Variants in RBM8A observed in about 807,000 individuals in gnomAD.
The protein encoded by RBM8A is RNA-binding protein 8A.
A neutral mutation model predicts 25.1 loss-of-function variants in RBM8A; 8 were observed. The ratio of observed to expected loss-of-function variants is 0.32; its 90% CI spans 0.19 to 0.58. RBM8A has a LOEUF of 0.58. RBM8A is among the 20% of genes least tolerant of loss of function. The pLI, the probability that RBM8A is intolerant of heterozygous loss-of-function variation, is 0.88. For synonymous variants in RBM8A, 66 were observed against 80.0 expected, an observed-to-expected ratio of 0.82 and a Z score of 0.94; for missense variants, 114 against 236.8, an observed-to-expected ratio of 0.48 and a Z score of 3.40.
Position 145,922,722 on chromosome 1 carries a change from C to T in RBM8A, c.*3160G>A, listed in dbSNP as rs997485687. The T allele has an allele frequency of 2.6e-5, 4 of 151,882 alleles. No individual in the cohort carries two copies. Among genetic ancestry groups the T allele is most frequent in the Non-Finnish European group, 4.4e-5 (3 of 68,004 alleles). 9.4% of individuals were successfully genotyped at this position (151,882 alleles called of 1,614,324 possible). The stretch of plus-strand genomic sequence containing the variant: ...TAAAATAAAAAATTTAATAATGTCA[C>T]GTTAGAGTGGTAAGGGCTTAGGGGT... On this transcript the variant is annotated 3_prime_UTR_variant, in exon 6 of 6. Transcript: ENST00000583313.
Position 145,922,279 on chromosome 1 carries a change from C to T in RBM8A, c.*3603G>A, listed in dbSNP as rs587659783. 4.6e-5 allele frequency: 7 copies of T among 152,298 alleles called. No homozygotes were observed. The highest frequency in any genetic ancestry group is 1.0e-4 in the Non-Finnish European group (7 of 68,030). The allele number at this position is 152,298 out of a possible 1,614,324, so 9.4% of individuals were successfully genotyped here. On this transcript the variant is annotated 3_prime_UTR_variant, in exon 6 of 6. Coordinates refer to ENST00000583313, the MANE Select transcript of RBM8A (RefSeq NM_005105.5). Reference sequence around the variant, plus strand: ...TACTTCTAATATGTTGCAAACAAGACCTTTACCAATCCAAGTGTTAAAAAG... The same window carrying T: ...TACTTCTAATATGTTGCAAACAAGATCTTTACCAATCCAAGTGTTAAAAAG...
Position 145,926,569 on chromosome 1 carries a change from G to C in RBM8A, c.255C>G (p.Thr85=), listed in dbSNP as rs781969248. 6.2e-7 allele frequency: 1 copy of C among 1,613,866 alleles called. No homozygotes were observed. Among genetic ancestry groups the C allele is most frequent in the Non-Finnish European group, 8.5e-7 (1 of 1,180,000 alleles). ...LFVTGVHEEA[T]EEDIHDKFAE... Reference sequence around the variant, plus strand: ...CGAATTTGTCGTGTATGTCTTCTTCGGTGGCTTCCTCATGGACTCCAGTTA... The same window carrying C: ...CGAATTTGTCGTGTATGTCTTCTTCCGTGGCTTCCTCATGGACTCCAGTTA... The change falls in exon 4 of 6, where the codon ACC becomes ACG. Residue 85 remains threonine, a synonymous_variant. Coordinates refer to ENST00000583313, the MANE Select transcript of RBM8A (RefSeq NM_005105.5).
chr1:145,927,320 A>G, intron 1 of RBM8A, 40 bp downstream of exon 1: 8 of 1,598,246 alleles, frequency 5.0e-6, no homozygotes, highest in Non-Finnish European at 6.8e-6. Flanking sequence ...CTTCTCTCGC[A>G]CCTTCCCCGC....
rs1648155042 is a variant in RBM8A, at chr1:145,926,318, T to C, written c.343-141A>G. 1.7e-5 allele frequency: 24 copies of C among 1,424,950 alleles called. No individual in the cohort carries two copies. The South Asian group carries it at 2.9e-4, about 17-fold the overall frequency. The allele number at this position is 1,424,950 out of a possible 1,614,324, so 88.3% of individuals were successfully genotyped here. A position where few individuals can be genotyped will look rare whatever the true frequency, so the allele number is the denominator to read the frequency against. On this transcript the variant is annotated intron_variant, in intron 4 of 5. Transcript: ENST00000583313. ...ACATCATATATCTCTACTGTATATA[T>C]ACATCATCTCCGTTTCTGTCTCTTT...
In RBM8A at chr1:145,925,785, A is replaced by G. The variant is rs1256875903; in HGVS notation, c.*97T>C. ...TACTACGCATATACGGTAAGAGATT[A>G]AATATAAACACAGCAAGTTCCACCC... On this transcript the variant is annotated 3_prime_UTR_variant, in exon 6 of 6. Transcript: ENST00000583313. 14 of 1,378,410 alleles carry G rather than the reference A, an allele frequency of 1.0e-5. No individual in the cohort carries two copies. Among genetic ancestry groups the G allele is most frequent in the Non-Finnish European group, 1.4e-5 (14 of 972,794 alleles). The allele number at this position is 1,378,410 out of a possible 1,614,324, so 85.4% of individuals were successfully genotyped here.
chr1:145,926,896 A>G lies in RBM8A; in HGVS notation c.128-10T>C, dbSNP rs1553756050. Reference sequence around the variant, plus strand: ...GCTCGGGACCCCTCTTCTATAAGGGACATACACGAGATCACCGAAAACTCC... The same window carrying G: ...GCTCGGGACCCCTCTTCTATAAGGGGCATACACGAGATCACCGAAAACTCC... On this transcript the variant is annotated splice_polypyrimidine_tract_variant and intron_variant, in intron 2 of 5. Coordinates refer to ENST00000583313, the MANE Select transcript of RBM8A (RefSeq NM_005105.5). The G allele has an allele frequency of 6.2e-7, 1 of 1,614,066 alleles. No homozygotes were observed. Among genetic ancestry groups the G allele is most frequent in the Admixed American group, 1.7e-5 (1 of 60,000 alleles).
rs148305430 is a variant in RBM8A at position 145,927,143 on chromosome 1, C to T, written c.68-66G>A. ...TCATTTGTAACAATCGTCTCTTTCC[C>T]AATACACTACCAGCAAGCCGACCCA... On this transcript the variant is annotated intron_variant, in intron 1 of 5. Transcript: ENST00000583313. 541 of 1,583,994 alleles carry T rather than the reference C, an allele frequency of 3.4e-4. 2 individuals are homozygous for T. The highest frequency in any genetic ancestry group is 1.8e-3 in the Admixed American group (108 of 59,006).
chr1:145,927,479 G>C lies in RBM8A; in HGVS notation c.-53C>G. The stretch of plus-strand genomic sequence containing the variant: ...GCCGCTCAGACACTAGGTACCTCGG[G>C]AAACTGTCGCAGAGGGGAAAGGTCG... On this transcript the variant is annotated 5_prime_UTR_variant, in exon 1 of 6. Transcript: ENST00000583313. 6.3e-7 allele frequency: 1 copy of C among 1,574,954 alleles called. No homozygotes were observed.
In RBM8A at chr1:145,923,975, A is replaced by G. The variant is rs1553755344; in HGVS notation, c.*1907T>C. 4.9e-6 allele frequency: 3 copies of G among 614,950 alleles called. No individual in the cohort carries two copies. In the African/African-American group the frequency reaches 5.6e-5, roughly 11 times the overall value. 38.1% of individuals were successfully genotyped at this position (614,950 alleles called of 1,614,324 possible). On this transcript the variant is annotated 3_prime_UTR_variant, in exon 6 of 6. Transcript: ENST00000583313. ...AGCATCATATTCAAGCCTAAAAGGA[A>G]GATAGGATTTTCAAGATATATTTCC...
At chr1:145,926,454 G>A in intron 4 of RBM8A, 28 bp downstream of exon 4, 1 of 1,611,512 alleles carries the variant, frequency 6.2e-7, no homozygotes, top group Non-Finnish European at 8.5e-7. Flanking sequence ...ATGAAAGAAA[G>A]GAGGCAATAA....
chr1:145,926,409 A>G (rs1559231482), intron 4 of RBM8A, 73 bp downstream of exon 4: 3 of 1,570,756 alleles, frequency 1.9e-6, no homozygotes, highest in Non-Finnish European at 2.6e-6. Flanking sequence ...GGCCAACCAC[A>G]GCAAACACAG....
In RBM8A at chr1:145,924,146, C is replaced by G. The variant is rs782699392; in HGVS notation, c.*1736G>C. On this transcript the variant is annotated 3_prime_UTR_variant, in exon 6 of 6. Transcript: ENST00000583313. Reference sequence around the variant, plus strand: ...GAACCAGTTCTAATAGTCCTCAACTCCACTCCAGCTGTTCCTGTTCCACAC... The same window carrying G: ...GAACCAGTTCTAATAGTCCTCAACTGCACTCCAGCTGTTCCTGTTCCACAC... The G allele has an allele frequency of 1.4e-6, 1 of 710,036 alleles. No homozygotes were observed. Among genetic ancestry groups the G allele is most frequent in the South Asian group, 1.5e-5 (1 of 66,670 alleles). 44.0% of individuals were successfully genotyped at this position (710,036 alleles called of 1,614,324 possible).
chr1:145,927,286 A>G, intron 1 of RBM8A, 74 bp downstream of exon 1: 1 of 1,529,698 alleles, frequency 6.5e-7, no homozygotes, highest in Non-Finnish European at 8.9e-7. Context: ...CCGAGGAAAA[A>G]AGAGTAAATT....
At chr1:145,926,762 A>G in intron 3 of RBM8A, 47 bp downstream of exon 3, 6 of 1,613,968 alleles carry the variant, frequency 3.7e-6, no homozygotes, top group Non-Finnish European at 5.1e-6. Context: ...TTGGTTTCTA[A>G]CTACTACCAC....
intron 4 of RBM8A, 145 bp downstream of exon 4, chr1:145,926,337 T>C (rs1570947788): frequency 2.1e-6 from 3 of 1,453,004 alleles, no homozygotes; most frequent in Non-Finnish European, 2.8e-6. Flanking sequence ...TCCGTTTCTG[T>C]CTCTTTGGCG....
chr1:145,925,589 A>G lies in RBM8A; in HGVS notation c.*293T>C, dbSNP rs1400043455. 8 of 372,440 alleles carry G rather than the reference A, an allele frequency of 2.1e-5. No individual in the cohort carries two copies. The highest frequency in any genetic ancestry group is 4.1e-5 in the Non-Finnish European group (8 of 196,658). The allele number at this position is 372,440 out of a possible 1,614,324, so 23.1% of individuals were successfully genotyped here. ...TGCAATCCACCCTGGGTAACACAGC[A>G]AGACTCTATCTCAAAAAAAAGAAAA... On this transcript the variant is annotated 3_prime_UTR_variant, in exon 6 of 6. Coordinates refer to ENST00000583313, the MANE Select transcript of RBM8A (RefSeq NM_005105.5).
rs1648112939 is a variant in RBM8A at position 145,925,726 on chromosome 1, A to G, written c.*156T>C. On this transcript the variant is annotated 3_prime_UTR_variant, in exon 6 of 6. Transcript: ENST00000583313. ...GACAGGAAAGTAACATTAAATGTAGAAAACAAAAATGGAACATTTATTCGC... is the reference window on the plus strand; with the variant it reads ...GACAGGAAAGTAACATTAAATGTAGGAAACAAAAATGGAACATTTATTCGC... 1.2e-6 allele frequency: 1 copy of G among 819,130 alleles called. No homozygotes were observed. Among genetic ancestry groups the G allele is most frequent in the African/African-American group, 1.7e-5 (1 of 57,732 alleles). The allele number at this position is 819,130 out of a possible 1,614,324, so 50.7% of individuals were successfully genotyped here.
Position 145,926,032 on chromosome 1 carries a change from T to A in RBM8A, c.479+9A>T. The A allele has an allele frequency of 1.2e-6, 2 of 1,614,232 alleles. No homozygotes were observed. The highest frequency in any genetic ancestry group is 1.7e-6 in the Non-Finnish European group (2 of 1,180,042). Reference sequence around the variant, plus strand: ...TTCACCCAGACAGTATTTGCCCTCTTCATTTTACCTCCTCTTGCCTTTTGG... The same window carrying A: ...TTCACCCAGACAGTATTTGCCCTCTACATTTTACCTCCTCTTGCCTTTTGG... On this transcript the variant is annotated intron_variant, in intron 5 of 5. Transcript: ENST00000583313.
chr1:145,926,184 A>C lies in RBM8A; in HGVS notation c.343-7T>G. Reference sequence around the variant, plus strand: ...ATTCAACTAGAGTATACCCCTGGGGAAAGTGAAAAGACAGATATGAAAACC... The same window carrying C: ...ATTCAACTAGAGTATACCCCTGGGGCAAGTGAAAAGACAGATATGAAAACC... On this transcript the variant is annotated splice_region_variant and splice_polypyrimidine_tract_variant and intron_variant, in intron 4 of 5. Transcript: ENST00000583313. The C allele has an allele frequency of 1.2e-6, 2 of 1,612,316 alleles. No individual in the cohort carries two copies. The highest frequency in any genetic ancestry group is 2.7e-5 in the African/African-American group (2 of 74,998).
Sources: allele counts gnomAD v4.1 joint callset, GRCh38; gene constraint gnomAD v4.1.1; transcripts MANE v1.5; gene names NCBI Gene and HGNC (gene_info 2026-07-23, HGNC 2026-07-21).